LRMDA: variants seen among roughly 807,000 people sequenced by gnomAD.
LRMDA encodes leucine rich melanocyte differentiation associated.
A neutral mutation model predicts 29.8 loss-of-function variants in LRMDA; 18 were observed. That is an observed-to-expected ratio of 0.60 (90% CI 0.42 to 0.90). The LOEUF (loss-of-function observed/expected upper bound fraction) is 0.90, where lower values mean the gene tolerates loss of function less well. Among genes scored for constraint, LRMDA ranks in the 40% least tolerant of loss-of-function variants. LRMDA has a pLI of 0.00. For missense variants in LRMDA, 273 were observed against 273.9 expected (o/e 1.00, Z 0.02); for synonymous variants, 125 against 109.4 (o/e 1.14, Z -0.89).
At chr10:75,760,972 T>A (rs1843087538) in intron 2 of LRMDA, among the ~76,000 whole-genome samples, 1 of 152,210 alleles carries the variant, frequency 6.6e-6, no homozygotes, top group South Asian at 2.1e-4. Flanking sequence ...TTTAATCCAT[T>A]TTTGTATTAT....
In LRMDA at chr10:76,361,013, C is replaced by T. The variant is rs111935692; in HGVS notation, c.601+36528C>T. On this transcript the variant is annotated intron_variant, in intron 6 of 6. Coordinates refer to ENST00000611255, the MANE Select transcript of LRMDA (RefSeq NM_001305581.2). ...TGGTGGCTTATGCCTGTAATCTGAG[C>T]ACTTTGGGAGGCTGAGGCAGGTGGA... Among the ~76,000 whole-genome samples the T allele has an allele frequency of 5.8e-3, 888 of 152,224 alleles. 8 individuals carry two copies. The highest frequency in any genetic ancestry group is 0.018 in the African/African-American group (741 of 41,532).
intron 6 of LRMDA, among the ~76,000 whole-genome samples, chr10:76,457,620 C>A (rs538939102): frequency 6.6e-6 from 1 of 152,184 alleles, no homozygotes; most frequent in South Asian, 2.1e-4. Flanking sequence ...AGAGAAAATC[C>A]ATGTGTTAGA....
chr10:75,471,216 G>T (rs767382991), intron 2 of LRMDA, among the ~76,000 whole-genome samples: 1 of 152,002 alleles, frequency 6.6e-6, no homozygotes, highest in South Asian at 2.1e-4. Flanking sequence ...TTTCTGGCGG[G>T]GGGGTGGGGT....
intron 5 of LRMDA, among the ~76,000 whole-genome samples, chr10:76,060,967 T>A: frequency 6.6e-6 from 1 of 152,214 alleles, no homozygotes; most frequent in East Asian, 1.9e-4. Context: ...GTATGGCAAT[T>A]CCTCAGAGAG....
At chr10:75,861,927 A>G (rs955973171) in intron 2 of LRMDA, among the ~76,000 whole-genome samples, 2 of 152,170 alleles carry the variant, frequency 1.3e-5, no homozygotes, top group South Asian at 2.1e-4. Context: ...AAGAAGCTCT[A>G]CCTAGCCAAT....
At chr10:75,547,675 T>C (rs1840095904) in intron 2 of LRMDA, among the ~76,000 whole-genome samples, 1 of 152,144 alleles carries the variant, frequency 6.6e-6, no homozygotes, top group Admixed American at 6.6e-5. Context: ...ATGTAATAAA[T>C]CTCCATTTGT....
chr10:76,262,966 A>G (rs1369648031), intron 5 of LRMDA, among the ~76,000 whole-genome samples: 1 of 152,228 alleles, frequency 6.6e-6, no homozygotes, highest in Non-Finnish European at 1.5e-5. Flanking sequence ...GTGCCCTAGC[A>G]TAATTTTTCT....
intron 6 of LRMDA, among the ~76,000 whole-genome samples, chr10:76,435,979 G>A (rs1842240712): frequency 6.6e-6 from 1 of 152,192 alleles, no homozygotes; most frequent in Non-Finnish European, 1.5e-5. Context: ...TTTAATTTTT[G>A]GGATATTGGT....
chr10:75,802,162 T>A (rs1027230905), intron 2 of LRMDA, among the ~76,000 whole-genome samples: 5 of 152,012 alleles, frequency 3.3e-5, no homozygotes, highest in African/African-American at 1.2e-4. Flanking sequence ...ACAAAAAATT[T>A]AAAAAATTAG....
chr10:75,684,531 G>A (rs901059847), intron 2 of LRMDA, among the ~76,000 whole-genome samples: 3 of 152,062 alleles, frequency 2.0e-5, no homozygotes, highest in Non-Finnish European at 4.4e-5. Context: ...TAGCAGTTTG[G>A]GTCCGCTGTG....
chr10:75,938,771 G>A (rs1037933321), intron 2 of LRMDA, among the ~76,000 whole-genome samples: 3 of 152,190 alleles, frequency 2.0e-5, no homozygotes, highest in Non-Finnish European at 4.4e-5. Flanking sequence ...TGGATGAAGG[G>A]CAATAAAGCA....
At chr10:75,471,154 T>G (rs1461638033) in intron 2 of LRMDA, among the ~76,000 whole-genome samples, 2 of 152,090 alleles carry the variant, frequency 1.3e-5, no homozygotes, top group Non-Finnish European at 2.9e-5. Flanking sequence ...AACAACCATA[T>G]GTAGTGGTAG....
intron 6 of LRMDA, among the ~76,000 whole-genome samples, chr10:76,535,281 A>G (rs1017444647): frequency 1.3e-5 from 2 of 152,168 alleles, no homozygotes; most frequent in Non-Finnish European, 1.5e-5. Context: ...GATGCATTAT[A>G]TATGTGGAAT....
intron 2 of LRMDA, among the ~76,000 whole-genome samples, chr10:75,738,554 G>A (rs766730610): frequency 2.6e-5 from 4 of 152,152 alleles, no homozygotes; most frequent in Non-Finnish European, 5.9e-5. Flanking sequence ...GGCAGAAGAC[G>A]TCATTGATAA....
intron 2 of LRMDA, among the ~76,000 whole-genome samples, chr10:76,020,843 G>GA (rs1847963238): frequency 6.6e-6 from 1 of 152,228 alleles, no homozygotes; most frequent in Non-Finnish European, 1.5e-5. Context: ...TGCGCCTGAG[G>GA]AATGTCAACC....
chr10:76,541,112 A>C (rs928089740), intron 6 of LRMDA, among the ~76,000 whole-genome samples: 5 of 152,136 alleles, frequency 3.3e-5, no homozygotes, highest in Non-Finnish European at 5.9e-5. Flanking sequence ...AGGTCCATTC[A>C]TTTGGCTCCT....
At chr10:76,199,497 A>G (rs1898086) in intron 5 of LRMDA, among the ~76,000 whole-genome samples, 16 of 152,130 alleles carry the variant, frequency 1.1e-4, no homozygotes, top group African/African-American at 3.6e-4. Context: ...GAGGCTTAGA[A>G]CCACAGGCAT....
chr10:76,345,893 T>C (rs1841103022), intron 6 of LRMDA, among the ~76,000 whole-genome samples: 1 of 152,054 alleles, frequency 6.6e-6, no homozygotes. Flanking sequence ...ATGATTAAAA[T>C]ATGGTAAATT....
chr10:76,140,997 C>G lies in LRMDA; in HGVS notation c.516+82214C>G, dbSNP rs1850188064. Among the ~76,000 whole-genome samples the G allele has an allele frequency of 3.3e-5, 5 of 152,240 alleles. No individual in the cohort carries two copies. The South Asian group carries it at 1.0e-3, about 32-fold the overall frequency. On this transcript the variant is annotated intron_variant, in intron 5 of 6. Transcript: ENST00000611255. ...TTCAAAATTGCCTACATTCCCCCAT[C>G]TCCCTCTCCCCTAAGAAGAGGGCAG...
Sources: allele counts gnomAD v4.1 joint callset (sites outside exome capture counted in the v4.1 genomes callset), GRCh38; gene constraint gnomAD v4.1.1; transcripts MANE v1.5; gene names NCBI Gene and HGNC (gene_info 2026-07-23, HGNC 2026-07-21).